The following CASZ1 variants were observed in gnomAD, a reference collection of about 807,000 sequenced individuals.
CASZ1 encodes the protein castor zinc finger 1, also known as zinc finger protein castor homolog 1.
A neutral mutation model predicts 135.2 loss-of-function variants in CASZ1; 28 were observed. The ratio of observed to expected loss-of-function variants is 0.21; its 90% CI spans 0.15 to 0.28. The LOEUF is 0.28. CASZ1 is among the 10% of genes least tolerant of loss of function. The pLI is 1.00. For missense variants in CASZ1, 2,161 were observed against 2,453.3 expected (o/e 0.88, Z 2.52); for synonymous variants, 1,068 against 1,073.4 (o/e 0.99, Z 0.10).
chr1:10,660,088 T>C lies in CASZ1; in HGVS notation c.954A>G (p.Lys318=), dbSNP rs1340409350. Residue 318 remains lysine, a synonymous_variant, in exon 6 of 21, where the codon AAA becomes AAG. Transcript: ENST00000377022. ...GCCGCAGATTCTCGCCGGTCTTCAG[T>C]TTTTGGATGAAGAAGTCGTACTTGG... ...RASKYDFFIQ[K]LKTGENLRPQ... is the part of the protein sequence containing the mutation. 2.5e-6 allele frequency: 4 copies of C among 1,614,080 alleles called. No individual in the cohort carries two copies. In the African/African-American group the frequency reaches 5.3e-5, roughly 22 times the overall value.
Position 10,660,033 on chromosome 1 carries a change from A to T in CASZ1, c.1009T>A (p.Ser337Thr). 6.2e-7 allele frequency: 1 copy of T among 1,614,046 alleles called. No homozygotes were observed. Among genetic ancestry groups the T allele is most frequent in the Non-Finnish European group, 8.5e-7 (1 of 1,179,988 alleles). ...PQNGSTYKKP[S>T]KYDLENVKYL... is the part of the protein sequence containing the mutation. Reference sequence around the variant, plus strand: ...TTGACATTCTCCAGGTCGTACTTGGATGGCTTCTTGTAGGTGCTCCCGTTC... The same window carrying T: ...TTGACATTCTCCAGGTCGTACTTGGTTGGCTTCTTGTAGGTGCTCCCGTTC... The change falls in exon 6 of 21, where the codon TCC becomes ACC. Residue 337 changes from serine (S) to threonine (T), a missense_variant. By Grantham distance (58) the Ser-to-Thr change is moderately conservative. Around this residue, in one of 7 missense-constraint regions of CASZ1, gnomAD observed 590 missense variants for 609.8 expected, o/e 0.97. Coordinates refer to ENST00000377022, the MANE Select transcript of CASZ1 (RefSeq NM_001079843.3).
chr1:10,640,480 G>A (rs1293441630), intron 20 of CASZ1, among the ~76,000 whole-genome samples: 1 of 152,242 alleles, frequency 6.6e-6, no homozygotes, highest in Non-Finnish European at 1.5e-5. Flanking sequence ...CCTCTAATGA[G>A]GGACAGGCCG....
In CASZ1 at chr1:10,694,720, C is replaced by T. The variant is rs1638885217; in HGVS notation, c.-23-808G>A. Among the ~76,000 whole-genome samples the T allele has an allele frequency of 6.9e-6, 1 of 144,188 alleles. No individual in the cohort carries two copies. The highest frequency in any genetic ancestry group is 2.5e-5 in the African/African-American group (1 of 40,208). The allele number at this position is 144,188 out of a possible 152,430, so 94.6% of individuals were successfully genotyped here. A position where few individuals can be genotyped will look rare whatever the true frequency, so the allele number is the denominator to read the frequency against. On this transcript the variant is annotated intron_variant, in intron 3 of 20. Coordinates refer to ENST00000377022, the MANE Select transcript of CASZ1 (RefSeq NM_001079843.3). The surrounding 1 kb of genome is among the most constrained non-coding windows in gnomAD (Gnocchi z 6.6). Reference sequence around the variant, plus strand: ...GCGCCCCCGCCGCGCGCGCCCGCGCCGCACTGGCAGGGCGGCCGGCTCCAT... The same window carrying T: ...GCGCCCCCGCCGCGCGCGCCCGCGCTGCACTGGCAGGGCGGCCGGCTCCAT...
chr1:10,673,570 G>A (rs965388568), intron 4 of CASZ1, among the ~76,000 whole-genome samples: 1 of 152,144 alleles, frequency 6.6e-6, no homozygotes, highest in Non-Finnish European at 1.5e-5. Flanking sequence ...ACTGGAACTG[G>A]CCGCCTGTCC....
At chr1:10,781,255 T>G (rs558703629) in intron 1 of CASZ1, among the ~76,000 whole-genome samples, 1 of 152,228 alleles carries the variant, frequency 6.6e-6, no homozygotes, top group African/African-American at 2.4e-5. Flanking sequence ...ACACAGGCCT[T>G]GTGCAATGAC....
At chr1:10,733,826 G>T (rs1307844525) in intron 2 of CASZ1, among the ~76,000 whole-genome samples, 7 of 152,272 alleles carry the variant, frequency 4.6e-5, no homozygotes, top group African/African-American at 1.4e-4. Context: ...CCCAGCCTTG[G>T]CCCCCTCTTC....
In CASZ1 at chr1:10,654,233, G is replaced by C; in HGVS notation, c.1839-15C>G. On this transcript the variant is annotated splice_polypyrimidine_tract_variant and intron_variant, in intron 10 of 20. Coordinates refer to ENST00000377022, the MANE Select transcript of CASZ1 (RefSeq NM_001079843.3). ...AGCCGGGGCGCCTGGATGGGACATT[G>C]GGAGCCTGTCATGAGACCCAGAGGA... 6.2e-7 allele frequency: 1 copy of C among 1,612,536 alleles called. No homozygotes were observed. Among genetic ancestry groups the C allele is most frequent in the Non-Finnish European group, 8.5e-7 (1 of 1,179,132 alleles).
At chr1:10,693,674 C>T (rs947103096) in intron 4 of CASZ1, among the ~76,000 whole-genome samples, 200 bp downstream of exon 4, 2 of 152,130 alleles carry the variant, frequency 1.3e-5, no homozygotes, top group African/African-American at 4.8e-5. Context: ...TAGTCACAGC[C>T]TCTAAGCAAG....
At chr1:10,664,357 C>T (rs552215799) in intron 5 of CASZ1, among the ~76,000 whole-genome samples, 12 of 151,270 alleles carry the variant, frequency 7.9e-5, no homozygotes, top group African/African-American at 2.9e-4. Flanking sequence ...CTCCCCTGAG[C>T]AGAAGGCGCG....
intron 1 of CASZ1, among the ~76,000 whole-genome samples, chr1:10,761,644 G>T (rs1428986709): frequency 6.6e-6 from 1 of 152,136 alleles, no homozygotes; most frequent in Non-Finnish European, 1.5e-5. Context: ...TTCCTGTTTT[G>T]AATATCCACT....
intron 2 of CASZ1, among the ~76,000 whole-genome samples, chr1:10,712,940 G>A (rs1280356523): frequency 6.6e-6 from 1 of 152,202 alleles, no homozygotes; most frequent in Non-Finnish European, 1.5e-5. Flanking sequence ...GGGCTCCAGG[G>A]CTTCCCAAGG....
rs1021378607 is a variant in CASZ1, at chr1:10,644,352, C to T, written c.3868+565G>A. Among the ~76,000 whole-genome samples the T allele has an allele frequency of 3.3e-5, 5 of 152,236 alleles. 1 individual carries two copies. Among genetic ancestry groups the T allele is most frequent in the Admixed American group, 1.3e-4 (2 of 15,302 alleles). On this transcript the variant is annotated intron_variant, in intron 18 of 20. Transcript: ENST00000377022. ...GCACCCCTTCCTGGGTTCCGGGTCA[C>T]GGGTGCTCCAGCTGAGCCCATGGAG... is the stretch of plus-strand genomic sequence containing the variant.
At position 10,741,294 on chromosome 1, in the gene CASZ1, T is replaced by A. The variant is rs1639917554; in HGVS notation, c.-77+19407A>T. On this transcript the variant is annotated intron_variant, in intron 2 of 20. Coordinates refer to ENST00000377022, the MANE Select transcript of CASZ1 (RefSeq NM_001079843.3). The surrounding 1 kb of genome is among the most constrained non-coding windows in gnomAD (Gnocchi z 5.0). ...CACTGCGCCTGGCTCTATATTGGGCTTTAAACGACATGAGGGCAGGGACTT... is the reference window on the plus strand; with the variant it reads ...CACTGCGCCTGGCTCTATATTGGGCATTAAACGACATGAGGGCAGGGACTT... Among the ~76,000 whole-genome samples, 1 of 152,196 alleles carries A rather than the reference T, an allele frequency of 6.6e-6. No homozygotes were observed. The highest frequency in any genetic ancestry group is 1.5e-5 in the Non-Finnish European group (1 of 68,032).
chr1:10,787,550 C>G (rs1640880952), intron 1 of CASZ1, among the ~76,000 whole-genome samples: 5 of 152,328 alleles, frequency 3.3e-5, no homozygotes, highest in Admixed American at 2.6e-4. Context: ...TGGCACAGCC[C>G]TCATAGGTAC....
At chr1:10,670,853 C>T (rs74748843) in intron 4 of CASZ1, among the ~76,000 whole-genome samples, 3,612 of 152,282 alleles carry the variant, frequency 0.024, 111 homozygotes, top group East Asian at 0.13. Flanking sequence ...CAGCCAGGAC[C>T]CGTCCCCTCC....
In CASZ1 at chr1:10,757,973, G is replaced by T. The variant is rs1180846833; in HGVS notation, c.-77+2728C>A. On this transcript the variant is annotated intron_variant, in intron 2 of 20. Coordinates refer to ENST00000377022, the MANE Select transcript of CASZ1 (RefSeq NM_001079843.3). This position sits in a 1 kb window ranked among gnomAD's most constrained non-coding sequence, Gnocchi z 4.6. ...CCTGGCCACTCTGCCTTTCTTTCCA[G>T]TCACTGGATGCACTGAGGGCATCCT... 6.6e-6 allele frequency among the ~76,000 whole-genome samples: 1 copy of T among 152,136 alleles called. No individual in the cohort carries two copies. Among genetic ancestry groups the T allele is most frequent in the Non-Finnish European group, 1.5e-5 (1 of 68,022 alleles).
intron 1 of CASZ1, among the ~76,000 whole-genome samples, chr1:10,782,623 T>C (rs972872780): frequency 6.6e-6 from 1 of 152,104 alleles, no homozygotes; most frequent in African/African-American, 2.4e-5. Flanking sequence ...CAGTCTCCAA[T>C]CGTGCTGAGC....
At chr1:10,714,325 A>C (rs903972029) in intron 2 of CASZ1, among the ~76,000 whole-genome samples, 4 of 152,078 alleles carry the variant, frequency 2.6e-5, no homozygotes, top group Non-Finnish European at 5.9e-5. Flanking sequence ...GAAAGAAAGA[A>C]AGAAAGGGAA....
Position 10,666,724 on chromosome 1 carries a change from G to T in CASZ1, c.17-1153C>A, listed in dbSNP as rs867586519. On this transcript the variant is annotated intron_variant, in intron 4 of 20. Coordinates refer to ENST00000377022, the MANE Select transcript of CASZ1 (RefSeq NM_001079843.3). The surrounding 1 kb of genome is among the most constrained non-coding windows in gnomAD (Gnocchi z 5.2). ...ATAGGGCACCGAGGGTCCTGGGGGG[G>T]CATACGGCAAGCCCACCCACCACAC... is the stretch of plus-strand genomic sequence containing the variant. Among the ~76,000 whole-genome samples the T allele has an allele frequency of 3.9e-5, 6 of 152,322 alleles. No homozygotes were observed. Among genetic ancestry groups the T allele is most frequent in the Middle Eastern group, 3.4e-3 (1 of 294 alleles).
Sources: allele counts gnomAD v4.1 joint callset (sites outside exome capture counted in the v4.1 genomes callset), GRCh38; gene constraint gnomAD v4.1.1; regional missense constraint gnomAD v4.1.1; non-coding constraint Gnocchi (gnomAD v3.1); transcripts MANE v1.5; gene names NCBI Gene and HGNC (gene_info 2026-07-23, HGNC 2026-07-21).